NDST4: variants seen among roughly 807,000 people sequenced by gnomAD.
The protein encoded by NDST4 is N-deacetylase and N-sulfotransferase 4.
A neutral mutation model predicts 100.8 loss-of-function variants in NDST4; 63 were observed. The observed-to-expected ratio is 0.62, with a 90% CI of 0.51 to 0.77. The LOEUF (loss-of-function observed/expected upper bound fraction) is 0.77, where lower values mean the gene tolerates loss of function less well. Ranked by LOEUF, NDST4 falls within the 30% of genes least tolerant of loss-of-function variation. The pLI is 0.00. For synonymous variants in NDST4, 377 were observed against 361.8 expected, an observed-to-expected ratio of 1.04 and a Z score of -0.48; for missense variants, 943 against 1,018.4, an observed-to-expected ratio of 0.93 and a Z score of 1.01.
intron 1 of NDST4, among the ~76,000 whole-genome samples, chr4:115,081,544 C>T (rs753886436): frequency 6.6e-6 from 1 of 151,992 alleles, no homozygotes; most frequent in African/African-American, 2.4e-5. Flanking sequence ...AATCTTAAGT[C>T]GTTACCATAA....
Position 114,918,747 on chromosome 4 carries a change from T to A in NDST4, c.1536+16459A>T, listed in dbSNP as rs1466556201. ...GTCAGAGATCAACTATTTTGACCAA[T>A]CAGAAATGAACAAGTTTGAAGTCTT... On this transcript the variant is annotated intron_variant, in intron 6 of 13. Transcript: ENST00000264363. Among the ~76,000 whole-genome samples, 7 of 151,976 alleles carry A rather than the reference T, an allele frequency of 4.6e-5. No homozygotes were observed. In the South Asian group the frequency reaches 1.2e-3, roughly 27 times the overall value.
intron 4 of NDST4, among the ~76,000 whole-genome samples, chr4:114,958,500 T>C (rs1284538155): frequency 6.6e-6 from 1 of 152,154 alleles, no homozygotes; most frequent in Non-Finnish European, 1.5e-5. Flanking sequence ...AAACACCACA[T>C]GTAGGCTGCA....
chr4:114,842,052 T>C (rs987381684), intron 10 of NDST4, among the ~76,000 whole-genome samples: 12 of 152,216 alleles, frequency 7.9e-5, no homozygotes. Context: ...AATTTGTATA[T>C]GCACTAAATT....
chr4:114,904,441 AAACT>A (rs1439774069), intron 6 of NDST4, among the ~76,000 whole-genome samples: 2 of 151,890 alleles, frequency 1.3e-5, no homozygotes, highest in Non-Finnish European at 2.9e-5. Flanking sequence ...TTAATAACCT[AAACT>A]AACAAAATAA....
chr4:114,879,187 C>T (rs1474086104), intron 6 of NDST4, among the ~76,000 whole-genome samples: 1 of 152,112 alleles, frequency 6.6e-6, no homozygotes, highest in Non-Finnish European at 1.5e-5. Context: ...CATTTAAAAT[C>T]TTCTTTTAGC....
intron 7 of NDST4, among the ~76,000 whole-genome samples, chr4:114,862,248 C>T (rs1723933775): frequency 1.3e-5 from 2 of 152,100 alleles, no homozygotes; most frequent in African/African-American, 4.8e-5. Context: ...TACATAATCC[C>T]CAATGCTGTC....
intron 1 of NDST4, among the ~76,000 whole-genome samples, chr4:115,083,988 A>G (rs1729359242): frequency 2.6e-5 from 4 of 152,164 alleles, no homozygotes; most frequent in Admixed American, 2.6e-4. Context: ...AAAATGTTGA[A>G]GCAACATTGG....
chr4:114,916,539 T>C (rs1021357665), intron 6 of NDST4, among the ~76,000 whole-genome samples: 1 of 46,588 alleles, frequency 2.1e-5, no homozygotes, highest in Non-Finnish European at 3.9e-5. Flanking sequence ...GTAGGCTCTG[T>C]GTGTGTGTGT....
intron 2 of NDST4, among the ~76,000 whole-genome samples, chr4:115,060,515 C>T (rs1275772709): frequency 6.6e-6 from 1 of 151,846 alleles, no homozygotes; most frequent in Non-Finnish European, 1.5e-5. Context: ...CAAACCTGAA[C>T]TAAAATTTGC....
chr4:115,019,913 A>G (rs538511441), intron 2 of NDST4, among the ~76,000 whole-genome samples: 2 of 152,210 alleles, frequency 1.3e-5, no homozygotes, highest in East Asian at 3.9e-4. Context: ...CAGAATCATG[A>G]GCCAAATAAA....
intron 1 of NDST4, among the ~76,000 whole-genome samples, chr4:115,101,542 G>A (rs1369897309): frequency 6.6e-6 from 1 of 152,030 alleles, no homozygotes; most frequent in Non-Finnish European, 1.5e-5. Flanking sequence ...GAAGCTGTAC[G>A]TAAATAATAT....
intron 6 of NDST4, among the ~76,000 whole-genome samples, chr4:114,933,456 T>TTTTTA (rs1337610741): frequency 1.5e-5 from 2 of 133,332 alleles, no homozygotes; most frequent in Non-Finnish European, 1.6e-5. Flanking sequence ...TTTTTTTTTG[T>TTTTTA]GTGTAAAAAC....
At chr4:115,108,535 A>C (rs1435900940) in intron 1 of NDST4, among the ~76,000 whole-genome samples, 1 of 152,008 alleles carries the variant, frequency 6.6e-6, no homozygotes, top group Non-Finnish European at 1.5e-5. Context: ...AGAGGATTTA[A>C]AATTTCTAAG....
At chr4:114,972,808 C>T (rs1009210435) in intron 3 of NDST4, among the ~76,000 whole-genome samples, 10 of 151,994 alleles carry the variant, frequency 6.6e-5, no homozygotes, top group Non-Finnish European at 1.5e-4. Flanking sequence ...ATAATGCACA[C>T]TTGACCAGGT....
intron 6 of NDST4, among the ~76,000 whole-genome samples, chr4:114,883,410 G>A (rs80196296): frequency 0.024 from 3,723 of 152,048 alleles, 167 homozygotes; most frequent in African/African-American, 0.085. Context: ...AGTTTAAAAT[G>A]TATATTGTCA....
chr4:114,988,543 A>G (rs1410822570), intron 2 of NDST4, among the ~76,000 whole-genome samples: 1 of 151,162 alleles, frequency 6.6e-6, no homozygotes, highest in African/African-American at 2.4e-5. Context: ...TTGTATTTTT[A>G]GTAGAGATGG....
intron 7 of NDST4, among the ~76,000 whole-genome samples, chr4:114,860,781 G>A (rs1402727670): frequency 6.6e-6 from 1 of 152,188 alleles, no homozygotes; most frequent in Non-Finnish European, 1.5e-5. Context: ...CTAGCTCATT[G>A]TGTTTCAAAG....
chr4:115,068,641 C>CAA (rs368916587), intron 2 of NDST4, among the ~76,000 whole-genome samples: 7,207 of 138,136 alleles, frequency 0.052, 319 homozygotes, highest in Admixed American at 0.1. Flanking sequence ...ACCCCATCTC[C>CAA]AAAAAAAAAA....
intron 1 of NDST4, among the ~76,000 whole-genome samples, chr4:115,088,320 A>T (rs10020287): frequency 0.72 from 106,853 of 148,498 alleles, 39,042 homozygotes; most frequent in African/African-American, 0.87. Context: ...TCTAAAGTTA[A>T]TTTTTTTTTT....
Sources: allele counts gnomAD v4.1 joint callset (sites outside exome capture counted in the v4.1 genomes callset), GRCh38; gene constraint gnomAD v4.1.1; transcripts MANE v1.5; gene names NCBI Gene and HGNC (gene_info 2026-07-23, HGNC 2026-07-21).